The following RANBP2 variants were observed in gnomAD, a reference collection of about 807,000 sequenced individuals.
RANBP2 encodes E3 SUMO-protein ligase RanBP2.
RANBP2 carries 57 observed loss-of-function variants against 303.6 expected under a neutral mutation model. The observed-to-expected ratio is 0.19, with a 90% CI of 0.15 to 0.23. The LOEUF is 0.23. Ranked by LOEUF, RANBP2 falls within the 10% of genes least tolerant of loss-of-function variation. The pLI is 1.00. For synonymous variants in RANBP2, 1,167 were observed against 1,301.5 expected (o/e 0.90, Z 2.23); for missense variants, 3,138 against 3,780.8 (o/e 0.83, Z 4.46).
the RANBP2 span, among the ~76,000 whole-genome samples, chr2:109,034,298 G>GATT: frequency 5.6e-5 from 7 of 125,512 alleles, no homozygotes; most frequent in East Asian, 4.8e-4. Context: ...AAAAAAAAAG[G>GATT]AAGGTTCAAA....
the RANBP2 span, among the ~76,000 whole-genome samples, chr2:108,841,934 TA>T: frequency 1.4e-4 from 21 of 152,212 alleles, no homozygotes; most frequent in Admixed American, 1.2e-3. Flanking sequence ...TTCTTCTTGG[TA>T]TTACATTTGT....
At chr2:108,895,387 A>T in the RANBP2 span, 2 of 152,564 alleles carry the variant, frequency 1.3e-5, no homozygotes, top group African/African-American at 2.4e-5. Context: ...TCAGCAGTGA[A>T]CTCTAACCCC....
the RANBP2 span, among the ~76,000 whole-genome samples, chr2:109,001,893 C>CT: frequency 2.6e-4 from 38 of 147,616 alleles, no homozygotes; most frequent in African/African-American, 5.5e-4. Flanking sequence ...CCACGCCTGG[C>CT]TTTTTTTTTT....
At chr2:108,979,467 T>TCTCA in the RANBP2 span, among the ~76,000 whole-genome samples, 589 of 147,194 alleles carry the variant, frequency 4.0e-3, 3 homozygotes, top group Middle Eastern at 0.011. Context: ...TCTCTCTCTC[T>TCTCA]CACACACACA....
At chr2:108,974,159 C>T in the RANBP2 span, among the ~76,000 whole-genome samples, 33 of 151,164 alleles carry the variant, frequency 2.2e-4, no homozygotes, top group East Asian at 5.9e-3. Flanking sequence ...GAAACCCCGT[C>T]TCTACTAAAA....
At chr2:108,746,884 C>G (rs1463532253) in intron 8 of RANBP2, 86 bp downstream of exon 8, 1 of 606,372 alleles carries the variant, frequency 1.6e-6, no homozygotes, top group Non-Finnish European at 3.0e-6. Context: ...TTCATCTGTC[C>G]AGGAGATAAT....
At chr2:109,446,364 A>C in the RANBP2 span, among the ~76,000 whole-genome samples, 1 of 152,226 alleles carries the variant, frequency 6.6e-6, no homozygotes, top group Non-Finnish European at 1.5e-5. Flanking sequence ...TCGTGAATTA[A>C]GCAGCCATGT....
At chr2:108,748,208 C>CTT (rs779008153) in intron 8 of RANBP2, among the ~76,000 whole-genome samples, 72 of 141,774 alleles carry the variant, frequency 5.1e-4, no homozygotes, top group African/African-American at 1.5e-3. Flanking sequence ...GGAAATAATT[C>CTT]TTTTTTTTTT....
chr2:108,873,098 A>C, the RANBP2 span, among the ~76,000 whole-genome samples: 1 of 152,074 alleles, frequency 6.6e-6, no homozygotes, highest in African/African-American at 2.4e-5. Flanking sequence ...TTAATTTACT[A>C]CTTAAGCAGA....
the RANBP2 span, among the ~76,000 whole-genome samples, chr2:108,972,464 C>T: frequency 6.6e-6 from 1 of 152,244 alleles, no homozygotes; most frequent in South Asian, 2.1e-4. Flanking sequence ...AGACACTGCC[C>T]TTTCCAATCC....
At chr2:108,945,374 A>G in the RANBP2 span, among the ~76,000 whole-genome samples, 2 of 152,212 alleles carry the variant, frequency 1.3e-5, no homozygotes, top group Admixed American at 6.5e-5. Flanking sequence ...AGAGCCCCCA[A>G]GCAACGCCAA....
chr2:109,653,854 G>A, the RANBP2 span, among the ~76,000 whole-genome samples: 1 of 152,060 alleles, frequency 6.6e-6, no homozygotes, highest in East Asian at 1.9e-4. Flanking sequence ...AGCTCTTCAG[G>A]TAGCGCTCAT....
chr2:109,042,224 AT>A, the RANBP2 span, among the ~76,000 whole-genome samples: 2 of 152,178 alleles, frequency 1.3e-5, no homozygotes, highest in Non-Finnish European at 2.9e-5. Context: ...TGAAGATAGC[AT>A]TTTACTTATT....
At chr2:109,577,430 C>A in the RANBP2 span, among the ~76,000 whole-genome samples, 1 of 151,304 alleles carries the variant, frequency 6.6e-6, no homozygotes, top group Non-Finnish European at 1.5e-5. Context: ...CCTGTCTCTG[C>A]AAAAACACAA....
At chr2:109,145,838 C>T in the RANBP2 span, among the ~76,000 whole-genome samples, 1 of 152,122 alleles carries the variant, frequency 6.6e-6, no homozygotes, top group Admixed American at 6.5e-5. Flanking sequence ...TTCCACATCA[C>T]CAGGCTGAAA....
chr2:108,811,593 C>T, the RANBP2 span, among the ~76,000 whole-genome samples: 1 of 151,730 alleles, frequency 6.6e-6, no homozygotes, highest in Non-Finnish European at 1.5e-5. Flanking sequence ...TTTATTTTTT[C>T]AAAAAGCCAC....
the RANBP2 span, among the ~76,000 whole-genome samples, chr2:109,166,950 A>G: frequency 9.2e-5 from 14 of 152,348 alleles, no homozygotes; most frequent in African/African-American, 3.4e-4. Flanking sequence ...CCATAAATCT[A>G]CCTTCTTGTA....
At chr2:109,435,897 A>C in the RANBP2 span, among the ~76,000 whole-genome samples, 3 of 152,292 alleles carry the variant, frequency 2.0e-5, no homozygotes, top group South Asian at 6.2e-4. Flanking sequence ...CACAGCTCTG[A>C]GGGCTGGGGA....
the RANBP2 span, among the ~76,000 whole-genome samples, chr2:109,425,071 T>C: frequency 7.9e-5 from 12 of 152,246 alleles, no homozygotes; most frequent in East Asian, 2.3e-3. Context: ...GCCTAATTGC[T>C]GATACGGAGA....
Sources: allele counts gnomAD v4.1 joint callset (sites outside exome capture counted in the v4.1 genomes callset), GRCh38; gene constraint gnomAD v4.1.1; transcripts MANE v1.5; gene names NCBI Gene and HGNC (gene_info 2026-07-23, HGNC 2026-07-21).